Variants in CNBD1 observed in about 807,000 individuals in gnomAD.
CNBD1 encodes cyclic nucleotide binding domain containing 1.
CNBD1 carries 71 observed loss-of-function variants against 54.4 expected under a neutral mutation model. That is an observed-to-expected ratio of 1.30 (90% CI 1.08 to 1.59). CNBD1 has a LOEUF of 1.59. CNBD1 is among the 40% of genes most tolerant of loss of function. CNBD1 has a pLI of 0.00. For synonymous variants in CNBD1, 182 were observed against 170.7 expected, an observed-to-expected ratio of 1.07 and a Z score of -0.51; for missense variants, 659 against 518.0, an observed-to-expected ratio of 1.27 and a Z score of -2.64.
chr8:87,342,097 C>A (rs1008712197), intron 8 of CNBD1, among the ~76,000 whole-genome samples: 3 of 152,012 alleles, frequency 2.0e-5, no homozygotes, highest in African/African-American at 7.3e-5. Flanking sequence ...CACGGCGAAA[C>A]CCTGTTTCTA....
At chr8:87,377,005 T>TA (rs1039460310) in intron 10 of CNBD1, among the ~76,000 whole-genome samples, 2 of 149,952 alleles carry the variant, frequency 1.3e-5, no homozygotes, top group Non-Finnish European at 3.0e-5. Context: ...ATTTGTTTGT[T>TA]AAATTTATTT....
In CNBD1 at chr8:87,219,631, C is replaced by T. The variant is rs182598487; in HGVS notation, c.577+13493C>T. Among the ~76,000 whole-genome samples the T allele has an allele frequency of 2.6e-3, 400 of 152,026 alleles. 3 individuals carry two copies. The highest frequency in any genetic ancestry group is 9.0e-3 in the African/African-American group (375 of 41,506). On this transcript the variant is annotated intron_variant, in intron 5 of 10. Coordinates refer to ENST00000518476, the MANE Select transcript of CNBD1 (RefSeq NM_173538.3). Reference sequence around the variant, plus strand: ...CAAGTGATAAAATACTAAATACAGACTTGGAGCTTAGCTGAACAGTTGGAT... The same window carrying T: ...CAAGTGATAAAATACTAAATACAGATTTGGAGCTTAGCTGAACAGTTGGAT...
At chr8:87,065,043 T>C (rs1398927351) in intron 4 of CNBD1, among the ~76,000 whole-genome samples, 1 of 151,950 alleles carries the variant, frequency 6.6e-6, no homozygotes, top group Non-Finnish European at 1.5e-5. Flanking sequence ...ATTCTCCATC[T>C]ATGTTTATTC....
chr8:87,170,758 C>G (rs11785703), intron 4 of CNBD1, among the ~76,000 whole-genome samples: 1 of 151,898 alleles, frequency 6.6e-6, no homozygotes, highest in East Asian at 1.9e-4. Flanking sequence ...TTTTCAGCAT[C>G]GATTGAAATG....
intron 4 of CNBD1, among the ~76,000 whole-genome samples, chr8:87,101,291 A>G (rs1811424835): frequency 6.6e-6 from 1 of 152,188 alleles, no homozygotes; most frequent in African/African-American, 2.4e-5. Flanking sequence ...AAGGAAAAAC[A>G]TAATTATAGT....
chr8:87,280,654 G>T (rs1414996889), intron 6 of CNBD1, among the ~76,000 whole-genome samples: 1 of 151,512 alleles, frequency 6.6e-6, no homozygotes, highest in Admixed American at 6.6e-5. Context: ...TTATACCTAT[G>T]AAATACTTCT....
intron 6 of CNBD1, among the ~76,000 whole-genome samples, chr8:87,271,267 A>G (rs1376132464): frequency 1.9e-4 from 28 of 151,056 alleles, no homozygotes; most frequent in Non-Finnish European, 1.6e-4. Context: ...TCTCAATTTC[A>G]TTTATTTCTA....
At chr8:87,350,733 G>T (rs1229285954) in intron 8 of CNBD1, among the ~76,000 whole-genome samples, 1 of 151,968 alleles carries the variant, frequency 6.6e-6, no homozygotes, top group African/African-American at 2.4e-5. Context: ...TACTACTGCT[G>T]TGTTTAAAGT....
chr8:86,910,729 C>A (rs58442501), intron 3 of CNBD1, among the ~76,000 whole-genome samples: 2,942 of 152,194 alleles, frequency 0.019, 98 homozygotes, highest in African/African-American at 0.065. Context: ...TGGGGTAATA[C>A]CCAAGGTTTG....
chr8:87,285,464 G>A (rs746509832), intron 7 of CNBD1, among the ~76,000 whole-genome samples: 6 of 152,278 alleles, frequency 3.9e-5, no homozygotes, highest in Middle Eastern at 3.4e-3. Context: ...GAGGCTAGGG[G>A]CGGTGGCTCA....
intron 3 of CNBD1, among the ~76,000 whole-genome samples, chr8:86,912,713 A>T (rs1809119467): frequency 6.6e-6 from 1 of 152,170 alleles, no homozygotes; most frequent in Non-Finnish European, 1.5e-5. Context: ...ATATTTTAAA[A>T]AAAAGGTTAA....
chr8:87,127,769 C>T (rs551886824), intron 4 of CNBD1, among the ~76,000 whole-genome samples: 2 of 152,176 alleles, frequency 1.3e-5, no homozygotes, highest in Admixed American at 1.3e-4. Context: ...TTAAGTATTT[C>T]AGCTGTAGGT....
At chr8:86,928,412 CTGAGGATTG>C (rs1309297126) in intron 3 of CNBD1, among the ~76,000 whole-genome samples, 3 of 152,134 alleles carry the variant, frequency 2.0e-5, no homozygotes, top group African/African-American at 7.2e-5. Flanking sequence ...TTGACCTTCC[CTGAGGATTG>C]TGGTCTCCAG....
At chr8:87,407,012 T>G (rs1807663820) in intron 2 of CNBD1, among the ~76,000 whole-genome samples, 1 of 152,138 alleles carries the variant, frequency 6.6e-6, no homozygotes, top group Admixed American at 6.6e-5. Context: ...AATGAACTTT[T>G]TTTTTACCTG....
chr8:86,990,334 T>A (rs2130526353), intron 4 of CNBD1, among the ~76,000 whole-genome samples: 1 of 152,352 alleles, frequency 6.6e-6, no homozygotes, highest in African/African-American at 2.4e-5. Flanking sequence ...TTTATGTTCT[T>A]AGATTTAAAT....
intron 4 of CNBD1, among the ~76,000 whole-genome samples, chr8:86,991,390 C>T (rs539304360): frequency 6.6e-6 from 1 of 151,806 alleles, no homozygotes; most frequent in South Asian, 2.1e-4. Context: ...CACACTCTCT[C>T]TGTCTCTCTC....
rs1316371970 is a variant in CNBD1, at chr8:86,887,525, AATTG to A, written c.89-13_89-10del. On this transcript the variant is annotated splice_polypyrimidine_tract_variant and intron_variant, in intron 1 of 10. Coordinates refer to ENST00000518476, the MANE Select transcript of CNBD1 (RefSeq NM_173538.3). ...ATTATGGAAAATTACTCAAATTTTT[AATTG>A]ATTTTTTTTCAGACTTGAAAAAGTC... The A allele has an allele frequency of 2.0e-6, 3 of 1,505,500 alleles. No individual in the cohort carries two copies. The highest frequency in any genetic ancestry group is 2.7e-6 in the Non-Finnish European group (3 of 1,109,492). 93.3% of individuals were successfully genotyped at this position (1,505,500 alleles called of 1,614,324 possible).
intron 6 of CNBD1, among the ~76,000 whole-genome samples, chr8:87,244,632 T>C (rs534592040): frequency 1.3e-5 from 2 of 152,254 alleles, no homozygotes; most frequent in African/African-American, 4.8e-5. Context: ...CTCATAGACA[T>C]TTAAATGGTT....
rs151151068 is a variant in CNBD1, at chr8:87,048,897, A to G, written c.431+109143A>G. On this transcript the variant is annotated intron_variant, in intron 4 of 10. Transcript: ENST00000518476. ...TTTAGTAGGTTTTCCCCCCAAAACA[A>G]TCTTTGGGTGCATTGATAAGTCTTA... Among the ~76,000 whole-genome samples, 451 of 152,312 alleles carry G rather than the reference A, an allele frequency of 3.0e-3. 4 individuals are homozygous for G. The highest frequency in any genetic ancestry group is 0.01 in the African/African-American group (431 of 41,566).
Sources: gnomAD v4.1 joint callset for allele counts (sites outside exome capture counted in the v4.1 genomes callset) on GRCh38, gnomAD v4.1.1 for gene constraint, MANE v1.5 for transcripts, NCBI Gene and HGNC (gene_info 2026-07-23, HGNC 2026-07-21) for gene names.